NLGN1: variants seen among roughly 807,000 people sequenced by gnomAD.
NLGN1 encodes neuroligin 1.
In NLGN1, 12 loss-of-function variants were observed where a neutral mutation model predicts 65.5. The observed-to-expected ratio is 0.18, with a 90% CI of 0.12 to 0.30. The LOEUF (loss-of-function observed/expected upper bound fraction) is 0.30, where lower values mean the gene tolerates loss of function less well. Among genes scored for constraint, NLGN1 ranks in the 10% least tolerant of loss-of-function variants. The pLI, the probability that NLGN1 is intolerant of heterozygous loss-of-function variation, is 1.00. For missense variants in NLGN1, 750 were observed against 1,007.1 expected, an observed-to-expected ratio of 0.74 and a Z score of 3.46; for synonymous variants, 350 against 359.5, an observed-to-expected ratio of 0.97 and a Z score of 0.30.
chr3:174,003,486 T>C (rs911469153), intron 4 of NLGN1, among the ~76,000 whole-genome samples: 1 of 152,204 alleles, frequency 6.6e-6, no homozygotes, highest in African/African-American at 2.4e-5. Flanking sequence ...TTGTAAATTA[T>C]GGAGTCAAGA....
intron 4 of NLGN1, among the ~76,000 whole-genome samples, chr3:174,000,647 T>A (rs559607379): frequency 6.6e-6 from 1 of 152,282 alleles, no homozygotes; most frequent in Non-Finnish European, 1.5e-5. Flanking sequence ...TAATGTGAAA[T>A]GTATAAAGCA....
chr3:173,980,360 C>T lies in NLGN1; in HGVS notation c.646+172528C>T, dbSNP rs181564916. Reference sequence around the variant, plus strand: ...ATATATAAAATATTATAGCTTATTTCACTCTTCATTAAATCGTAAAATTAT... The same window carrying T: ...ATATATAAAATATTATAGCTTATTTTACTCTTCATTAAATCGTAAAATTAT... On this transcript the variant is annotated intron_variant, in intron 4 of 6. Transcript: ENST00000457714. Among the ~76,000 whole-genome samples, 413 of 151,926 alleles carry T rather than the reference C, an allele frequency of 2.7e-3. 1 individual carries two copies. Among genetic ancestry groups the T allele is most frequent in the Non-Finnish European group, 4.7e-3 (316 of 67,938 alleles).
At chr3:174,036,820 A>AT (rs1028242551) in intron 4 of NLGN1, among the ~76,000 whole-genome samples, 21 of 151,862 alleles carry the variant, frequency 1.4e-4, no homozygotes, top group African/African-American at 5.1e-4. Context: ...TGTTCCCATC[A>AT]TTTAGCCCAC....
chr3:173,650,798 T>C (rs1425013581), intron 3 of NLGN1, among the ~76,000 whole-genome samples: 1 of 152,188 alleles, frequency 6.6e-6, no homozygotes, highest in Non-Finnish European at 1.5e-5. Context: ...TGGTAATCTA[T>C]TTTGTTCATT....
At chr3:173,504,790 G>A (rs556380619) in intron 2 of NLGN1, among the ~76,000 whole-genome samples, 2 of 152,012 alleles carry the variant, frequency 1.3e-5, no homozygotes, top group African/African-American at 2.4e-5. Context: ...CATTGACCAC[G>A]TTCTCTTTCC....
At chr3:174,116,842 A>T (rs914277442) in intron 4 of NLGN1, among the ~76,000 whole-genome samples, 1 of 152,168 alleles carries the variant, frequency 6.6e-6, no homozygotes, top group Non-Finnish European at 1.5e-5. Flanking sequence ...GTTCTGAATG[A>T]GTTTTACTTA....
intron 3 of NLGN1, among the ~76,000 whole-genome samples, chr3:173,790,396 A>T (rs1712429736): frequency 6.6e-6 from 1 of 152,078 alleles, no homozygotes; most frequent in African/African-American, 2.4e-5. Flanking sequence ...TAAGCCCTAG[A>T]TTCTTTCTCA....
chr3:173,501,478 T>G lies in NLGN1; in HGVS notation c.-321+66400T>G, dbSNP rs1287478893. On this transcript the variant is annotated intron_variant, in intron 2 of 6. Transcript: ENST00000457714. The stretch of plus-strand genomic sequence containing the variant: ...CAAACATCTAAATAAAAACAGAACT[T>G]TAAGCCCCAGAGACTTTATCTACTT... 7.2e-5 allele frequency among the ~76,000 whole-genome samples: 11 copies of G among 152,066 alleles called. 1 individual carries two copies. The South Asian group carries it at 2.1e-3, about 29-fold the overall frequency.
intron 3 of NLGN1, among the ~76,000 whole-genome samples, chr3:173,804,919 G>A (rs1240242583): frequency 6.6e-6 from 1 of 152,046 alleles, no homozygotes; most frequent in Non-Finnish European, 1.5e-5. Context: ...CCAACTACTC[G>A]GGAGGCTGAG....
intron 3 of NLGN1, among the ~76,000 whole-genome samples, chr3:173,763,921 A>T (rs1436940791): frequency 1.3e-5 from 2 of 152,194 alleles, no homozygotes; most frequent in South Asian, 4.1e-4. Context: ...GTTTCCTGTG[A>T]AATAAAAGAT....
At chr3:173,694,371 T>C (rs1024179726) in intron 3 of NLGN1, among the ~76,000 whole-genome samples, 1 of 152,118 alleles carries the variant, frequency 6.6e-6, no homozygotes, top group Non-Finnish European at 1.5e-5. Context: ...AAGTGCGGTG[T>C]TGAAAGCTTG....
At chr3:174,192,458 G>GTTA (rs1732576650) in intron 4 of NLGN1, among the ~76,000 whole-genome samples, 1 of 152,264 alleles carries the variant, frequency 6.6e-6, no homozygotes, top group Admixed American at 6.5e-5. Flanking sequence ...CTATGCAGAT[G>GTTA]TTATTACTCA....
At position 174,158,408 on chromosome 3, in the gene NLGN1, G is replaced by C. The variant is rs535175806; in HGVS notation, c.647-116907G>C. ...CAAACCCCAAAAGTTTATAAATCTG[G>C]GTGAAAGAAGAGATAACATTTCTAA... On this transcript the variant is annotated intron_variant, in intron 4 of 6. Coordinates refer to ENST00000457714, the Ensembl canonical transcript of NLGN1. Among the ~76,000 whole-genome samples, 26 of 151,732 alleles carry C rather than the reference G, an allele frequency of 1.7e-4. No individual in the cohort carries two copies. The South Asian group carries it at 5.4e-3, about 31-fold the overall frequency.
At chr3:173,674,632 TA>T (rs34102259) in intron 3 of NLGN1, among the ~76,000 whole-genome samples, 31,486 of 152,066 alleles carry the variant, frequency 0.21, 3,674 homozygotes, top group African/African-American at 0.32. Context: ...TATACCTGTA[TA>T]AAGAAATCAT....
intron 3 of NLGN1, among the ~76,000 whole-genome samples, chr3:173,779,266 G>A (rs956244525): frequency 1.3e-5 from 2 of 149,470 alleles, no homozygotes; most frequent in Non-Finnish European, 3.0e-5. Flanking sequence ...TTGGCACACA[G>A]TATTGAACAT....
chr3:173,933,593 C>T (rs114320532), intron 4 of NLGN1, among the ~76,000 whole-genome samples: 2,313 of 152,204 alleles, frequency 0.015, 69 homozygotes, highest in African/African-American at 0.052. Flanking sequence ...GGGAAGACCC[C>T]AAGGATTTTG....
At chr3:173,433,966 G>T (rs1283109692) in intron 1 of NLGN1, among the ~76,000 whole-genome samples, 5 of 152,276 alleles carry the variant, frequency 3.3e-5, no homozygotes, top group African/African-American at 1.2e-4. Context: ...ATATAGAAGA[G>T]TGAGGCCCTT....
intron 4 of NLGN1, among the ~76,000 whole-genome samples, chr3:173,954,456 T>A (rs1458001215): frequency 6.6e-6 from 1 of 152,182 alleles, no homozygotes; most frequent in African/African-American, 2.4e-5. Context: ...TTGAAATTTA[T>A]AGAAAATTTG....
Position 173,748,963 on chromosome 3 carries a change from C to T in NLGN1, c.494-58717C>T, listed in dbSNP as rs189556156. On this transcript the variant is annotated intron_variant, in intron 3 of 6. Transcript: ENST00000457714. ...TGGTCTTATGATTTCAAAGTAGGTGCGTCATTATATGCACATAGCATGACT... is the reference window on the plus strand; with the variant it reads ...TGGTCTTATGATTTCAAAGTAGGTGTGTCATTATATGCACATAGCATGACT... Among the ~76,000 whole-genome samples the T allele has an allele frequency of 6.6e-5, 10 of 151,936 alleles. No homozygotes were observed. The East Asian group carries it at 1.9e-3, about 30-fold the overall frequency.
Sources: gnomAD v4.1 joint callset for allele counts (sites outside exome capture counted in the v4.1 genomes callset) on GRCh38, gnomAD v4.1.1 for gene constraint, MANE v1.5 for transcripts, NCBI Gene and HGNC (gene_info 2026-07-23, HGNC 2026-07-21) for gene names.